The following SUMF1 variants were observed in gnomAD, a reference collection of about 807,000 sequenced individuals.
SUMF1 encodes sulfatase modifying factor 1.
In SUMF1, 48 loss-of-function variants were observed where a neutral mutation model predicts 47.6. The observed-to-expected ratio is 1.01, with a 90% confidence interval of 0.80 to 1.28. The LOEUF (loss-of-function observed/expected upper bound fraction) is 1.28. SUMF1 is among the 50% of genes most tolerant of loss of function. The pLI, the probability that SUMF1 is intolerant of heterozygous loss-of-function variation, is 0.00. For synonymous variants in SUMF1, 230 were observed against 192.1 expected, an observed-to-expected ratio of 1.20 and a Z score of -1.63; for missense variants, 571 against 485.4, an observed-to-expected ratio of 1.18 and a Z score of -1.66.
intron 8 of SUMF1, among the ~76,000 whole-genome samples, chr3:4,208,787 G>C (rs1025122456): frequency 2.0e-5 from 3 of 152,026 alleles, no homozygotes; most frequent in Admixed American, 1.3e-4. Context: ...AAAGAAAAAA[G>C]ACTAACATAA....
intron 8 of SUMF1, among the ~76,000 whole-genome samples, chr3:4,273,413 C>G (rs1465009117): frequency 1.3e-5 from 2 of 151,924 alleles, no homozygotes; most frequent in East Asian, 3.9e-4. Flanking sequence ...AACCCTAAAG[C>G]AACAGACTAC....
chr3:4,409,590 C>A (rs914113287), intron 7 of SUMF1, among the ~76,000 whole-genome samples: 1 of 152,226 alleles, frequency 6.6e-6, no homozygotes, highest in Non-Finnish European at 1.5e-5. Context: ...AATTCTATTT[C>A]TGATTCTGAC....
intron 8 of SUMF1, among the ~76,000 whole-genome samples, chr3:4,338,158 A>C (rs1699193636): frequency 6.6e-6 from 1 of 152,184 alleles, no homozygotes. Context: ...CTCACTACTC[A>C]GGAAGGTGAA....
In SUMF1 at chr3:4,139,159, A is replaced by C. The variant is rs111551213; in HGVS notation, c.1015-70414T>G. Among the ~76,000 whole-genome samples, 42 of 152,284 alleles carry C rather than the reference A, an allele frequency of 2.8e-4. 3 individuals carry two copies. The highest frequency in any genetic ancestry group is 9.9e-4 in the African/African-American group (41 of 41,566). The stretch of plus-strand genomic sequence containing the variant: ...AGTCATTACATTGCAAATAGTACAA[A>C]AAGTTGAGGAAATATTCTGTCAGTT... On this transcript the variant is annotated intron_variant and NMD_transcript_variant, in intron 8 of 12. Transcript: ENST00000448413.
At position 4,361,626 on chromosome 3, in the gene SUMF1, A is replaced by G. The variant is rs17040504; in HGVS notation, c.*518T>C. The stretch of plus-strand genomic sequence containing the variant: ...AGAACTCTTACTTTACATGATTAGT[A>G]TCACTCAAGGTTCACACATGGAAAA... On this transcript the variant is annotated 3_prime_UTR_variant, in exon 9 of 9. Transcript: ENST00000272902. 0.018 allele frequency: 3,054 copies of G among 167,194 alleles called. 105 individuals carry two copies. The highest frequency in any genetic ancestry group is 0.069 in the African/African-American group (2,875 of 41,780). 10.4% of individuals were successfully genotyped at this position (167,194 alleles called of 1,614,324 possible).
chr3:4,238,910 C>G (rs192352621), intron 8 of SUMF1, among the ~76,000 whole-genome samples: 1 of 152,208 alleles, frequency 6.6e-6, no homozygotes, highest in East Asian at 1.9e-4. Context: ...GGTTTTAGGT[C>G]TTACACTTAA....
intron 8 of SUMF1, among the ~76,000 whole-genome samples, chr3:4,325,753 A>T (rs1698931814): frequency 6.6e-6 from 1 of 152,206 alleles, no homozygotes. Context: ...TGGGATAAAA[A>T]AATTGATTAA....
chr3:4,292,822 T>C (rs541515476), intron 8 of SUMF1, among the ~76,000 whole-genome samples: 4 of 152,306 alleles, frequency 2.6e-5, no homozygotes, highest in South Asian at 2.1e-4. Context: ...GGGAAAACTT[T>C]ACCTAATTTG....
chr3:4,303,623 T>G (rs1442256721), intron 8 of SUMF1: 1 of 1,386,864 alleles, frequency 7.2e-7, no homozygotes, highest in East Asian at 3.1e-5. Flanking sequence ...AGTCGCGACC[T>G]TTTGTCTTCT....
In SUMF1 at chr3:4,069,161, T is replaced by C. The variant is rs577328133; in HGVS notation, c.1015-416A>G. 6.6e-5 allele frequency among the ~76,000 whole-genome samples: 10 copies of C among 152,066 alleles called. No individual in the cohort carries two copies. The East Asian group carries it at 1.5e-3, about 24-fold the overall frequency. ...GAATGTTGTAGGGAGAAAGAACACA[T>C]AGGATGAGATAACTAGTCACAGAAG... is the stretch of plus-strand genomic sequence containing the variant. On this transcript the variant is annotated intron_variant and NMD_transcript_variant, in intron 8 of 12. Transcript: ENST00000448413.
At chr3:4,343,493 A>G (rs764823005) in intron 8 of SUMF1, among the ~76,000 whole-genome samples, 11 of 152,194 alleles carry the variant, frequency 7.2e-5, no homozygotes, top group Non-Finnish European at 1.5e-4. Context: ...ACCAATTAGC[A>G]TACCCCAGGG....
intron 8 of SUMF1, among the ~76,000 whole-genome samples, chr3:4,210,987 A>G (rs1695768147): frequency 6.6e-6 from 1 of 150,768 alleles, no homozygotes; most frequent in Non-Finnish European, 1.5e-5. Context: ...GTCCTCAAAC[A>G]TCAACTCCAA....
intron 8 of SUMF1, among the ~76,000 whole-genome samples, chr3:4,354,894 A>G (rs1699584393): frequency 6.6e-6 from 1 of 152,114 alleles, no homozygotes; most frequent in Non-Finnish European, 1.5e-5. Context: ...GCATTTTCTC[A>G]TATCTCCCCA....
intron 8 of SUMF1, among the ~76,000 whole-genome samples, chr3:4,369,090 T>G (rs1452615939): frequency 1.4e-4 from 21 of 151,878 alleles, no homozygotes; most frequent in Admixed American, 1.4e-3. Flanking sequence ...CTCAGAAAAG[T>G]AAAATGCTTC....
chr3:4,158,266 T>C (rs1433477492), intron 8 of SUMF1, among the ~76,000 whole-genome samples: 1 of 151,728 alleles, frequency 6.6e-6, no homozygotes, highest in East Asian at 1.9e-4. Flanking sequence ...AAAGTTCCTC[T>C]TGTTATTGAC....
At chr3:4,221,430 TG>T (rs1696061804) in intron 8 of SUMF1, among the ~76,000 whole-genome samples, 1 of 151,640 alleles carries the variant, frequency 6.6e-6, no homozygotes, top group Non-Finnish European at 1.5e-5. Flanking sequence ...TGTGTGTGTG[TG>T]TGTGTGTGTG....
intron 9 of SUMF1, among the ~76,000 whole-genome samples, chr3:4,060,706 A>G (rs918270167): frequency 3.3e-5 from 5 of 152,160 alleles, no homozygotes; most frequent in Admixed American, 6.5e-5. Context: ...TTTCAAGAAA[A>G]TTCTGTTTTT....
chr3:4,407,017 T>C (rs962718415), intron 7 of SUMF1, among the ~76,000 whole-genome samples: 2 of 152,168 alleles, frequency 1.3e-5, no homozygotes, highest in Admixed American at 6.5e-5. Context: ...GGCCATTTAC[T>C]AGGTTGTATC....
chr3:4,120,695 G>T (rs1024307379), intron 8 of SUMF1, among the ~76,000 whole-genome samples: 2 of 152,054 alleles, frequency 1.3e-5, no homozygotes, highest in Non-Finnish European at 2.9e-5. Flanking sequence ...GAAGAGGTTT[G>T]GGCAAAGTGA....
Sources: gnomAD v4.1 joint callset for allele counts (sites outside exome capture counted in the v4.1 genomes callset) on GRCh38, gnomAD v4.1.1 for gene constraint, MANE v1.5 for transcripts, NCBI Gene and HGNC (gene_info 2026-07-23, HGNC 2026-07-21) for gene names.